The following GBF1 variants were observed in gnomAD, a reference collection of about 807,000 sequenced individuals.
GBF1 encodes Golgi-specific brefeldin A-resistance guanine nucleotide exchange factor 1.
Under a neutral mutation model 210.5 loss-of-function variants are expected in GBF1, and 114 were observed. The ratio of observed to expected loss-of-function variants is 0.54; its 90% confidence interval spans 0.47 to 0.63. The LOEUF (loss-of-function observed/expected upper bound fraction) is 0.63. GBF1 is among the 30% of genes least tolerant of loss of function. The probability of loss-of-function intolerance (pLI) is 0.00; values close to 1 mark genes in which losing one functional copy is unlikely to be tolerated. For synonymous variants in GBF1, 850 were observed against 889.2 expected (o/e 0.96, Z 0.78); for missense variants, 1,851 against 2,357.7 (o/e 0.79, Z 4.45).
In GBF1 at chr10:102,369,959, A is replaced by G. The variant is rs150255203; in HGVS notation, c.3314A>G (p.Lys1105Arg). 419 of 1,614,118 alleles carry G rather than the reference A, an allele frequency of 2.6e-4. 1 individual carries two copies. Among genetic ancestry groups the G allele is most frequent in the Non-Finnish European group, 3.4e-4 (397 of 1,179,948 alleles). Residue 1105 changes from lysine to arginine, a missense_variant, in exon 26 of 40, where the codon AAG (lysine) becomes AGG (arginine). Physicochemically the swap from Lys to Arg is conservative, Grantham distance 26. Coordinates refer to ENST00000369983, the MANE Select transcript of GBF1 (RefSeq NM_001377137.1). ...CCATCCACTGAAAACCAAGAGGCCA[A>G]GAGAGTGGCCTTAGAGTGTATAAAG... The part of the protein sequence containing the change: ...RGPSTENQEA[K>R]RVALECIKQC...
At chr10:102,262,320 G>A (rs548322899) in intron 3 of GBF1, among the ~76,000 whole-genome samples, 2 of 152,240 alleles carry the variant, frequency 1.3e-5, no homozygotes, top group African/African-American at 2.4e-5. Context: ...GAGTGCTTTA[G>A]AATGTTGGCT....
At chr10:102,243,332 T>G (rs2070586002), upstream of GBF1, among the ~76,000 whole-genome samples, 1 of 152,094 alleles carries the variant, frequency 6.6e-6, no homozygotes, top group Non-Finnish European at 1.5e-5. Context: ...ATAATAAAAT[T>G]TAGGAGGGTA....
At chr10:102,331,672 G>T (rs1261416624) in intron 3 of GBF1, among the ~76,000 whole-genome samples, 1 of 151,704 alleles carries the variant, frequency 6.6e-6, no homozygotes, top group Non-Finnish European at 1.5e-5. Context: ...CTTTCCAAAG[G>T]GTTTGTTTTT....
At chr10:102,280,320 A>T (rs2075373317) in intron 3 of GBF1, among the ~76,000 whole-genome samples, 1 of 152,154 alleles carries the variant, frequency 6.6e-6, no homozygotes, top group African/African-American at 2.4e-5. Flanking sequence ...TACCCAGTCC[A>T]GTGTGTGGGT....
chr10:102,377,862 G>C (rs1318033049), intron 33 of GBF1, among the ~76,000 whole-genome samples: 1 of 152,106 alleles, frequency 6.6e-6, no homozygotes, highest in African/African-American at 2.4e-5. Flanking sequence ...TTAATTATGT[G>C]AGCAGAGTTT....
At position 102,363,153 on chromosome 10, in the gene GBF1, C is replaced by T; in HGVS notation, c.1877-103C>T. On this transcript the variant is annotated intron_variant, in intron 15 of 39. Transcript: ENST00000369983. The surrounding 1 kb of genome is among the most constrained non-coding windows in gnomAD (Gnocchi z 4.2). ...TCCTGCTCAGGGCTGGCGCCCTGTG[C>T]AGGAACCATGCAGGTCTTCTGGGCT... The T allele has an allele frequency of 1.8e-6, 2 of 1,106,380 alleles. No individual in the cohort carries two copies. Among genetic ancestry groups the T allele is most frequent in the Non-Finnish European group, 2.6e-6 (2 of 780,984 alleles). 68.5% of individuals were successfully genotyped at this position (1,106,380 alleles called of 1,614,324 possible).
chr10:102,345,441 A>G (rs1319445287), intron 4 of GBF1, among the ~76,000 whole-genome samples: 1 of 151,602 alleles, frequency 6.6e-6, no homozygotes, highest in Non-Finnish European at 1.5e-5. Flanking sequence ...TCATGAGGTC[A>G]GGAGTTTGAG....
chr10:102,340,742 G>A (rs1466031196), intron 3 of GBF1, among the ~76,000 whole-genome samples: 1 of 152,138 alleles, frequency 6.6e-6, no homozygotes, highest in Non-Finnish European at 1.5e-5. Flanking sequence ...AATGAGATAT[G>A]TTGGAAACAG....
intron 1 of GBF1, 75 bp from the exon 2 acceptor site, chr10:102,258,854 G>C (rs1370150789): frequency 4.0e-6 from 3 of 758,436 alleles, no homozygotes; most frequent in Admixed American, 1.8e-5. Flanking sequence ...ACCTTATCAG[G>C]TACTGATTTT....
intron 3 of GBF1, among the ~76,000 whole-genome samples, chr10:102,333,990 G>A (rs1005923655): frequency 6.6e-6 from 1 of 152,054 alleles, no homozygotes; most frequent in Non-Finnish European, 1.5e-5. Flanking sequence ...ATGTTAGAGG[G>A]GTAAATGAAC....
intron 3 of GBF1, among the ~76,000 whole-genome samples, chr10:102,280,707 A>G (rs1167936969): frequency 1.3e-5 from 2 of 152,180 alleles, no homozygotes; most frequent in African/African-American, 4.8e-5. Flanking sequence ...AAGGCTAGCA[A>G]TAGAGGAAGC....
chr10:102,363,140 C>T lies in GBF1; in HGVS notation c.1877-116C>T. 2.2e-6 allele frequency: 2 copies of T among 917,514 alleles called. No homozygotes were observed. Among genetic ancestry groups the T allele is most frequent in the South Asian group, 3.8e-5 (2 of 53,330 alleles). 56.8% of individuals were successfully genotyped at this position (917,514 alleles called of 1,614,324 possible). Reference sequence around the variant, plus strand: ...TGGCTTGGGTTTGTCCTGCTCAGGGCTGGCGCCCTGTGCAGGAACCATGCA... The same window carrying T: ...TGGCTTGGGTTTGTCCTGCTCAGGGTTGGCGCCCTGTGCAGGAACCATGCA... On this transcript the variant is annotated intron_variant, in intron 15 of 39. Coordinates refer to ENST00000369983, the MANE Select transcript of GBF1 (RefSeq NM_001377137.1). The surrounding 1 kb of genome is among the most constrained non-coding windows in gnomAD (Gnocchi z 4.2).
intron 9 of GBF1, 58 bp downstream of exon 9, chr10:102,358,244 A>C: frequency 6.7e-7 from 1 of 1,498,068 alleles, no homozygotes; most frequent in Non-Finnish European, 9.1e-7. Flanking sequence ...TTTCTCTCTT[A>C]GGGATTTTGA....
chr10:102,309,283 G>T (rs1269459448), intron 3 of GBF1, among the ~76,000 whole-genome samples: 1 of 152,246 alleles, frequency 6.6e-6, no homozygotes, highest in Non-Finnish European at 1.5e-5. Context: ...ATTACAGCTT[G>T]TCTTGGGACT....
chr10:102,353,748 T>C, intron 8 of GBF1, 94 bp downstream of exon 8: 1 of 878,744 alleles, frequency 1.1e-6, no homozygotes. Context: ...AAGATATGCT[T>C]TTGCCTAAAC....
chr10:102,312,184 A>C (rs2078504941), intron 3 of GBF1, among the ~76,000 whole-genome samples: 1 of 151,878 alleles, frequency 6.6e-6, no homozygotes, highest in Admixed American at 6.6e-5. Flanking sequence ...CCATCTATTC[A>C]ATGGAGGCCG....
chr10:102,378,785 T>A (rs897301561), intron 33 of GBF1, among the ~76,000 whole-genome samples: 1 of 151,876 alleles, frequency 6.6e-6, no homozygotes, highest in East Asian at 1.9e-4. Context: ...ATACAAAAAA[T>A]TAGCTGGCTG....
chr10:102,358,057 G>A lies in GBF1; in HGVS notation c.658G>A (p.Gly220Ser), dbSNP rs779933916. 1 of 1,608,074 alleles carries A rather than the reference G, an allele frequency of 6.2e-7. No individual in the cohort carries two copies. The highest frequency in any genetic ancestry group is 8.5e-7 in the Non-Finnish European group (1 of 1,174,524). ...TTTCCAGCTGAAAATGAGAGCCGGAGGCATGAGTGATTCATCCAAATGGAA... is the reference window on the plus strand; with the variant it reads ...TTTCCAGCTGAAAATGAGAGCCGGAAGCATGAGTGATTCATCCAAATGGAA... ...NMKKLKMRAG[G>S]MSDSSKWKKQ... The change falls in exon 9 of 40, where the codon GGC becomes AGC. Residue 220 changes from glycine to serine, a missense_variant. Physicochemically the swap from Gly to Ser is moderately conservative, Grantham distance 56. Transcript: ENST00000369983.
intron 3 of GBF1, among the ~76,000 whole-genome samples, chr10:102,322,934 G>T (rs561083278): frequency 2.5e-3 from 376 of 151,790 alleles, no homozygotes; most frequent in African/African-American, 6.7e-3. Context: ...ATAATAATAA[G>T]AAGAAGACAA....
Sources: gnomAD v4.1 joint callset for allele counts (sites outside exome capture counted in the v4.1 genomes callset) on GRCh38, gnomAD v4.1.1 for gene constraint, Gnocchi (gnomAD v3.1) non-coding constraint, MANE v1.5 for transcripts, NCBI Gene and HGNC (gene_info 2026-07-23, HGNC 2026-07-21) for gene names.